Variants in KCNT2 observed in about 807,000 individuals in gnomAD.
The protein encoded by KCNT2 is potassium sodium-activated channel subfamily T member 2, also known as potassium channel subfamily T member 2.
A neutral mutation model predicts 153.8 loss-of-function variants in KCNT2; 67 were observed. That is an observed-to-expected ratio of 0.44 (90% CI 0.36 to 0.53). KCNT2 has a LOEUF of 0.53. Among genes scored for constraint, KCNT2 ranks in the 20% least tolerant of loss-of-function variants. The probability of loss-of-function intolerance (pLI) is 0.00; values close to 1 mark genes in which losing one functional copy is unlikely to be tolerated. For missense variants in KCNT2, 975 were observed against 1,354.8 expected, an observed-to-expected ratio of 0.72 and a Z score of 4.40; for synonymous variants, 500 against 458.8, an observed-to-expected ratio of 1.09 and a Z score of -1.15.
chr1:196,482,205 T>A, intron 4 of KCNT2, 126 bp downstream of exon 4: 1 of 643,566 alleles, frequency 1.6e-6, no homozygotes, highest in South Asian at 1.9e-5. Flanking sequence ...TAGTCCAAGA[T>A]GTGCATGAAG....
intron 12 of KCNT2, among the ~76,000 whole-genome samples, chr1:196,422,052 G>A (rs1317125800): frequency 6.6e-6 from 1 of 151,950 alleles, no homozygotes; most frequent in East Asian, 1.9e-4. Flanking sequence ...GGTACTAAGG[G>A]TTGGGACTTC....
chr1:196,410,476 G>C (rs560937233), intron 12 of KCNT2, among the ~76,000 whole-genome samples: 1 of 151,394 alleles, frequency 6.6e-6, no homozygotes, highest in South Asian at 2.1e-4. Context: ...TAAATGACAA[G>C]TTAATAGGCA....
At chr1:196,448,607 G>GT (rs1311947340) in intron 8 of KCNT2, among the ~76,000 whole-genome samples, 1 of 151,464 alleles carries the variant, frequency 6.6e-6, no homozygotes, top group Non-Finnish European at 1.5e-5. Context: ...TTGACTTATA[G>GT]TTTTTTCTGT....
chr1:196,308,999 A>G (rs1198609929), intron 21 of KCNT2, among the ~76,000 whole-genome samples: 2 of 151,902 alleles, frequency 1.3e-5, no homozygotes, highest in Admixed American at 6.6e-5. Flanking sequence ...CCTGACTTTA[A>G]ACACTATAAT....
intron 5 of KCNT2, among the ~76,000 whole-genome samples, chr1:196,474,048 G>A (rs1272231496): frequency 1.3e-5 from 2 of 151,728 alleles, no homozygotes; most frequent in African/African-American, 2.4e-5. Context: ...TTTTATTATT[G>A]ACAGAATTCA....
At chr1:196,444,376 T>G (rs966528661) in intron 8 of KCNT2, among the ~76,000 whole-genome samples, 3 of 151,360 alleles carry the variant, frequency 2.0e-5, no homozygotes, top group Admixed American at 6.6e-5. Context: ...GTTTCCCTTT[T>G]TCCTTTTTTT....
At chr1:196,257,492 T>C (rs1397206986) in intron 26 of KCNT2, 1 of 977,100 alleles carries the variant, frequency 1.0e-6, no homozygotes, top group Non-Finnish European at 1.2e-6. Flanking sequence ...TAAAACACCT[T>C]GTTTATCATT....
Position 196,342,556 on chromosome 1 carries a change from G to T in KCNT2, c.1404-328C>A, listed in dbSNP as rs563059743. On this transcript the variant is annotated intron_variant, in intron 14 of 27. Coordinates refer to ENST00000294725, the MANE Select transcript of KCNT2 (RefSeq NM_198503.5). The stretch of plus-strand genomic sequence containing the variant: ...CTCACAATGAATCAATGAGATACAG[G>T]ATTTTAGTCTCTCTTTATATACATA... 2.0e-5 allele frequency among the ~76,000 whole-genome samples: 3 copies of T among 150,246 alleles called. No individual in the cohort carries two copies. In the South Asian group the frequency reaches 6.3e-4, roughly 31 times the overall value.
intron 8 of KCNT2, among the ~76,000 whole-genome samples, chr1:196,458,259 TTAAA>T (rs1676850597): frequency 6.6e-6 from 1 of 151,710 alleles, no homozygotes; most frequent in Non-Finnish European, 1.5e-5. Flanking sequence ...ATAAAAGAAT[TTAAA>T]TAAATTATGT....
chr1:196,542,364 T>C (rs1656494033), intron 1 of KCNT2, among the ~76,000 whole-genome samples: 1 of 152,178 alleles, frequency 6.6e-6, no homozygotes, highest in African/African-American at 2.4e-5. Flanking sequence ...ACTGCATCTA[T>C]GGACACAAAA....
At chr1:196,258,531 A>C (rs1656718716) in intron 25 of KCNT2, 37 bp from the exon 26 acceptor site, 1 of 1,252,338 alleles carries the variant, frequency 8.0e-7, no homozygotes, top group Admixed American at 2.0e-5. Context: ...TAGATACTTT[A>C]GAAATAAATA....
chr1:196,480,298 T>C (rs1678897866), intron 4 of KCNT2, among the ~76,000 whole-genome samples: 1 of 152,162 alleles, frequency 6.6e-6, no homozygotes, highest in African/African-American at 2.4e-5. Flanking sequence ...ACATTTTTTC[T>C]TCTGTTGGGA....
At position 196,521,838 on chromosome 1, in the gene KCNT2, A is replaced by G. The variant is rs150163499; in HGVS notation, c.96-29497T>C. Among the ~76,000 whole-genome samples the G allele has an allele frequency of 5.4e-4, 82 of 152,268 alleles. 1 individual carries two copies. The highest frequency in any genetic ancestry group is 1.9e-3 in the African/African-American group (79 of 41,570). ...AGGGAGAGGATCAGAAAAAACAACT[A>G]TTGGGTACTAGCCTTAGTACCTGGG... is the stretch of plus-strand genomic sequence containing the variant. On this transcript the variant is annotated intron_variant, in intron 1 of 27. Transcript: ENST00000294725.
intron 13 of KCNT2, among the ~76,000 whole-genome samples, chr1:196,375,332 A>G (rs1668866328): frequency 6.6e-6 from 1 of 151,856 alleles, no homozygotes; most frequent in Admixed American, 6.6e-5. Flanking sequence ...CAATAAGTAT[A>G]TGTACTACCA....
At chr1:196,416,625 T>A (rs1400571750) in intron 12 of KCNT2, among the ~76,000 whole-genome samples, 2 of 152,062 alleles carry the variant, frequency 1.3e-5, no homozygotes, top group Non-Finnish European at 2.9e-5. Context: ...TCTACCTGTT[T>A]TATGAAGCTT....
chr1:196,435,270 C>T (rs915923146), intron 8 of KCNT2, among the ~76,000 whole-genome samples: 1 of 145,618 alleles, frequency 6.9e-6, no homozygotes, highest in Non-Finnish European at 1.5e-5. Flanking sequence ...GGACTGTTTA[C>T]TTAACATAAT....
chr1:196,487,780 C>T (rs1376515248), intron 3 of KCNT2, among the ~76,000 whole-genome samples: 2 of 151,862 alleles, frequency 1.3e-5, no homozygotes, highest in African/African-American at 2.4e-5. Context: ...CTATATTAGG[C>T]ATTGATTTTA....
At chr1:196,602,446 C>A (rs1294888343) in intron 1 of KCNT2, among the ~76,000 whole-genome samples, 1 of 152,090 alleles carries the variant, frequency 6.6e-6, no homozygotes, top group Non-Finnish European at 1.5e-5. Flanking sequence ...TATATTGGAA[C>A]ATAATACCGA....
At chr1:196,477,439 A>T (rs1035686054) in intron 5 of KCNT2, among the ~76,000 whole-genome samples, 24 of 151,978 alleles carry the variant, frequency 1.6e-4, no homozygotes, top group South Asian at 6.2e-4. Context: ...ATACAAAAAA[A>T]ATTAGCCAGG....
Sources: allele counts gnomAD v4.1 joint callset (sites outside exome capture counted in the v4.1 genomes callset), GRCh38; gene constraint gnomAD v4.1.1; transcripts MANE v1.5; gene names NCBI Gene and HGNC (gene_info 2026-07-23, HGNC 2026-07-21).